Variants in NLGN1 observed in about 807,000 individuals in gnomAD.
The protein encoded by NLGN1 is neuroligin 1.
In NLGN1, 12 loss-of-function variants were observed where a neutral mutation model predicts 65.5. The ratio of observed to expected loss-of-function variants is 0.18; its 90% CI spans 0.12 to 0.30. The LOEUF is 0.30. Among genes scored for constraint, NLGN1 ranks in the 10% least tolerant of loss-of-function variants. NLGN1 has a pLI of 1.00. For synonymous variants in NLGN1, 350 were observed against 359.5 expected, an observed-to-expected ratio of 0.97 and a Z score of 0.30; for missense variants, 750 against 1,007.1, an observed-to-expected ratio of 0.74 and a Z score of 3.46.
At chr3:173,780,456 C>G (rs912646656) in intron 3 of NLGN1, among the ~76,000 whole-genome samples, 4 of 152,184 alleles carry the variant, frequency 2.6e-5, no homozygotes, top group Non-Finnish European at 4.4e-5. Flanking sequence ...AACTGGAAGA[C>G]TTTAAAGTTT....
intron 2 of NLGN1, among the ~76,000 whole-genome samples, chr3:173,555,600 C>T (rs1217710563): frequency 6.6e-6 from 1 of 152,096 alleles, no homozygotes. Flanking sequence ...CCTACTCAGC[C>T]TCCCAAGTAG....
intron 4 of NLGN1, among the ~76,000 whole-genome samples, chr3:174,181,701 G>A (rs1730439073): frequency 6.6e-6 from 1 of 151,978 alleles, no homozygotes; most frequent in South Asian, 2.1e-4. Context: ...AGCCAAGGCA[G>A]GCATATGGCT....
intron 4 of NLGN1, among the ~76,000 whole-genome samples, chr3:174,212,937 C>A (rs1736962319): frequency 1.3e-5 from 2 of 152,186 alleles, no homozygotes. Context: ...CCGCTCTGAC[C>A]TTCTCTTCTG....
At chr3:174,212,996 T>C (rs1736973684) in intron 4 of NLGN1, among the ~76,000 whole-genome samples, 1 of 152,240 alleles carries the variant, frequency 6.6e-6, no homozygotes, top group African/African-American at 2.4e-5. Context: ...TAGACCCACC[T>C]GGATAATCCA....
chr3:173,918,108 T>C (rs1262720647), intron 4 of NLGN1, among the ~76,000 whole-genome samples: 1 of 152,160 alleles, frequency 6.6e-6, no homozygotes, highest in East Asian at 1.9e-4. Context: ...CAGTCAATTA[T>C]AGTACTTGTT....
At chr3:174,045,613 T>C (rs1431829921) in intron 4 of NLGN1, among the ~76,000 whole-genome samples, 1 of 152,200 alleles carries the variant, frequency 6.6e-6, no homozygotes, top group African/African-American at 2.4e-5. Context: ...GGGAAGTAAC[T>C]GAGACATTAG....
chr3:174,034,333 A>G (rs1047543383), intron 4 of NLGN1, among the ~76,000 whole-genome samples: 7 of 152,062 alleles, frequency 4.6e-5, no homozygotes, highest in African/African-American at 1.7e-4. Flanking sequence ...AAAAAATTTT[A>G]GGCAGGAGGA....
intron 4 of NLGN1, among the ~76,000 whole-genome samples, chr3:173,874,159 T>C (rs1446109634): frequency 6.6e-6 from 1 of 152,166 alleles, no homozygotes; most frequent in Non-Finnish European, 1.5e-5. Flanking sequence ...CATTTTGTTA[T>C]GGCAGCACTA....
chr3:173,821,994 A>G (rs1720407551), intron 4 of NLGN1, among the ~76,000 whole-genome samples: 1 of 152,170 alleles, frequency 6.6e-6, no homozygotes, highest in Non-Finnish European at 1.5e-5. Flanking sequence ...TTCCAAGTTG[A>G]TGAATTGAAA....
At chr3:174,245,386 A>G (rs1743607471) in intron 4 of NLGN1, among the ~76,000 whole-genome samples, 1 of 152,186 alleles carries the variant, frequency 6.6e-6, no homozygotes, top group Non-Finnish European at 1.5e-5. Context: ...AGTGAACTCT[A>G]CTGTGTATCC....
intron 3 of NLGN1, among the ~76,000 whole-genome samples, chr3:173,613,963 A>T (rs1752675318): frequency 6.6e-6 from 1 of 150,588 alleles, no homozygotes. Flanking sequence ...GGGAGTCTTC[A>T]CTTTCCTTTT....
intron 3 of NLGN1, among the ~76,000 whole-genome samples, chr3:173,781,290 A>G (rs189518309): frequency 6.6e-6 from 1 of 152,166 alleles, no homozygotes; most frequent in Non-Finnish European, 1.5e-5. Flanking sequence ...ATATCTGTGT[A>G]TATTTAAACA....
At chr3:173,562,417 A>C (rs915700526) in intron 2 of NLGN1, among the ~76,000 whole-genome samples, 3 of 152,068 alleles carry the variant, frequency 2.0e-5, no homozygotes, top group African/African-American at 7.2e-5. Context: ...AATATAAAAA[A>C]TTGACTGGGT....
Position 173,419,008 on chromosome 3 carries a change from TTTC to T in NLGN1, c.-389-15990_-389-15988del, listed in dbSNP as rs1302517222. Among the ~76,000 whole-genome samples the T allele has an allele frequency of 1.0e-3, 137 of 136,864 alleles. 1 individual carries two copies. The highest frequency in any genetic ancestry group is 3.1e-3 in the African/African-American group (112 of 35,798). 89.8% of individuals were successfully genotyped at this position (136,864 alleles called of 152,430 possible). ...TGCAGTTTCCTTTCTGTTCTTTAGC[TTTC>T]TTCTTCTTCTTTTTTTTTTTTTTTT... On this transcript the variant is annotated intron_variant, in intron 1 of 6. Transcript: ENST00000457714.
chr3:174,125,719 C>T (rs1345843843), intron 4 of NLGN1, among the ~76,000 whole-genome samples: 4 of 151,898 alleles, frequency 2.6e-5, no homozygotes, highest in Non-Finnish European at 5.9e-5. Context: ...AGAAAGTATA[C>T]GGTGATAAAA....
intron 4 of NLGN1, among the ~76,000 whole-genome samples, chr3:173,906,885 A>G (rs895325074): frequency 6.7e-6 from 1 of 150,058 alleles, no homozygotes; most frequent in African/African-American, 2.4e-5. Flanking sequence ...AAACAAAAAA[A>G]AAAAAAAAAA....
At chr3:173,938,802 G>C (rs1745487590) in intron 4 of NLGN1, among the ~76,000 whole-genome samples, 1 of 151,990 alleles carries the variant, frequency 6.6e-6, no homozygotes, top group African/African-American at 2.4e-5. Flanking sequence ...ACCGAGAAAA[G>C]GCATCAACTC....
intron 4 of NLGN1, among the ~76,000 whole-genome samples, chr3:173,897,309 A>G (rs943922296): frequency 3.9e-5 from 6 of 152,248 alleles, no homozygotes; most frequent in African/African-American, 1.4e-4. Context: ...TAAAATATCT[A>G]CTATCTTCCC....
chr3:173,954,736 T>G (rs1179626791), intron 4 of NLGN1, among the ~76,000 whole-genome samples: 1 of 152,148 alleles, frequency 6.6e-6, no homozygotes, highest in African/African-American at 2.4e-5. Context: ...AAACCAAGGT[T>G]GCTCTTTCCA....
Sources: gnomAD v4.1 joint callset for allele counts (sites outside exome capture counted in the v4.1 genomes callset) on GRCh38, gnomAD v4.1.1 for gene constraint, MANE v1.5 for transcripts, NCBI Gene and HGNC (gene_info 2026-07-23, HGNC 2026-07-21) for gene names.